LCP1: variants seen among roughly 807,000 people sequenced by gnomAD.
LCP1 encodes the protein plastin-2.
Under a neutral mutation model 72.0 loss-of-function variants are expected in LCP1, and 23 were observed. The observed-to-expected ratio is 0.32, with a 90% CI of 0.23 to 0.45. The LOEUF (loss-of-function observed/expected upper bound fraction) is 0.45, where lower values mean the gene tolerates loss of function less well. Ranked by LOEUF, LCP1 falls within the 20% of genes least tolerant of loss-of-function variation. LCP1 has a pLI of 1.00. For synonymous variants in LCP1, 245 were observed against 275.4 expected (o/e 0.89, Z 1.09); for missense variants, 571 against 748.3 (o/e 0.76, Z 2.76).
chr13:46,169,123 G>A (rs1163527795), intron 1 of LCP1, among the ~76,000 whole-genome samples: 1 of 152,138 alleles, frequency 6.6e-6, no homozygotes, highest in African/African-American at 2.4e-5. Context: ...AGGTGTGGCT[G>A]GGACCAGAGT....
intron 1 of LCP1, among the ~76,000 whole-genome samples, chr13:46,166,479 C>T (rs1425177643): frequency 6.6e-6 from 1 of 152,192 alleles, no homozygotes; most frequent in East Asian, 1.9e-4. Flanking sequence ...TTTCCTGCAA[C>T]TTGATTCAGT....
intron 1 of LCP1, among the ~76,000 whole-genome samples, chr13:46,174,304 A>ATT (rs143380629): frequency 1.3e-5 from 2 of 151,956 alleles, no homozygotes; most frequent in South Asian, 4.2e-4. Flanking sequence ...CTTTATCTTC[A>ATT]TTTTTTTTAA....
intron 1 of LCP1, among the ~76,000 whole-genome samples, chr13:46,160,005 AATG>A (rs1203813058): frequency 6.6e-6 from 1 of 152,180 alleles, no homozygotes; most frequent in African/African-American, 2.4e-5. Flanking sequence ...GGGTGGTAGA[AATG>A]ATGTCTGGGG....
intron 1 of LCP1, among the ~76,000 whole-genome samples, chr13:46,174,073 A>T (rs1286744928): frequency 6.6e-6 from 1 of 152,200 alleles, no homozygotes; most frequent in Non-Finnish European, 1.5e-5. Flanking sequence ...CATTTTTACC[A>T]TTGTAGTCTG....
At chr13:46,158,777 C>T (rs1566441995) in intron 3 of LCP1, 49 bp downstream of exon 3, 1 of 1,604,560 alleles carries the variant, frequency 6.2e-7, no homozygotes, top group East Asian at 2.2e-5. Flanking sequence ...AAACAGAATT[C>T]AAGTTCCAAG....
intron 11 of LCP1, 86 bp downstream of exon 11, chr13:46,144,356 G>GA: frequency 9.8e-7 from 1 of 1,015,508 alleles, no homozygotes. Flanking sequence ...TTTGTGAAGA[G>GA]AATGCACATC....
chr13:46,135,125 A>AG lies in LCP1; in HGVS notation c.1503-876_1503-875insC, dbSNP rs1555314144. On this transcript the variant is annotated intron_variant, in intron 13 of 15. Transcript: ENST00000323076. ...CTCTGTCTCAAAAAAAAAAAAAAAG[A>AG]AAAAAAAAAAACCCACACTGTCTCT... Among the ~76,000 whole-genome samples, 755 of 119,200 alleles carry AG rather than the reference A, an allele frequency of 6.3e-3. 13 individuals carry two copies. The highest frequency in any genetic ancestry group is 0.026 in the South Asian group (99 of 3,742). The allele number at this position is 119,200 out of a possible 152,430, so 78.2% of individuals were successfully genotyped here. A position where few individuals can be genotyped will look rare whatever the true frequency, so the allele number is the denominator to read the frequency against.
At chr13:46,154,978 A>C (rs1424456966) in intron 5 of LCP1, 92 bp from the exon 6 acceptor site, 16 of 912,834 alleles carry the variant, frequency 1.8e-5, no homozygotes, top group Non-Finnish European at 2.7e-5. Flanking sequence ...ACCATAATCA[A>C]AGAAGATAGC....
chr13:46,137,745 T>C (rs183491167), intron 13 of LCP1, among the ~76,000 whole-genome samples: 1 of 152,374 alleles, frequency 6.6e-6, no homozygotes, highest in Non-Finnish European at 1.5e-5. Flanking sequence ...ATCTCAGTAT[T>C]ACCAGTGTTT....
At chr13:46,180,828 A>G (rs1329425503) in intron 1 of LCP1, among the ~76,000 whole-genome samples, 1 of 152,258 alleles carries the variant, frequency 6.6e-6, no homozygotes, top group African/African-American at 2.4e-5. Context: ...GTTTTACTTA[A>G]AATAAGACAC....
Position 46,134,222 on chromosome 13 carries a change from C to T in LCP1, c.1531G>A (p.Gly511Ser). 1 of 1,613,504 alleles carries T rather than the reference C, an allele frequency of 6.2e-7. No individual in the cohort carries two copies. Among genetic ancestry groups the T allele is most frequent in the Non-Finnish European group, 8.5e-7 (1 of 1,179,574 alleles). ...TCATCATTGACCTTCTGGCCACCAC[C>T]AATTTCTTCGAGGATATTCAGTGTA... ...RYTLNILEEI[G>S]GGQKVNDDII... Residue 511 changes from glycine to serine, a missense_variant, in exon 14 of 16, where the codon GGT (glycine) becomes AGT (serine). Transcript: ENST00000323076.
At chr13:46,174,063 C>T (rs1353512346) in intron 1 of LCP1, among the ~76,000 whole-genome samples, 1 of 152,160 alleles carries the variant, frequency 6.6e-6, no homozygotes, top group Non-Finnish European at 1.5e-5. Context: ...ATTCTCCAGG[C>T]ATTTTTACCA....
At chr13:46,162,341 T>C (rs940957744) in intron 1 of LCP1, among the ~76,000 whole-genome samples, 2 of 143,538 alleles carry the variant, frequency 1.4e-5, no homozygotes, top group African/African-American at 5.1e-5. Flanking sequence ...GTTCTCCCTC[T>C]GATGCCGAGC....
chr13:46,128,696 A>G (rs2045616429), intron 15 of LCP1, among the ~76,000 whole-genome samples: 1 of 152,246 alleles, frequency 6.6e-6, no homozygotes, highest in Non-Finnish European at 1.5e-5. Flanking sequence ...ATGGTACTAT[A>G]ATATAGAGTA....
chr13:46,142,383 C>T lies in LCP1; in HGVS notation c.1411G>A (p.Ala471Thr). ...CCGATGCCAACCAGGGAGAACTTCGCTTGATTCTTCCCCAATTCTACCGCG... is the reference window on the plus strand; with the variant it reads ...CCGATGCCAACCAGGGAGAACTTCGTTTGATTCTTCCCCAATTCTACCGCG... ...NYAVELGKNQ[A>T]KFSLVGIGGQ... Residue 471 changes from alanine (A) to threonine (T), a missense_variant, in exon 13 of 16, where the codon GCG becomes ACG. Ala to Thr is a moderately conservative substitution (Grantham distance 58). Coordinates refer to ENST00000323076, the MANE Select transcript of LCP1 (RefSeq NM_002298.5). The T allele has an allele frequency of 1.9e-6, 3 of 1,614,010 alleles. No individual in the cohort carries two copies. The highest frequency in any genetic ancestry group is 1.3e-5 in the African/African-American group (1 of 75,044).
At chr13:46,178,470 G>C (rs2045942034) in intron 1 of LCP1, among the ~76,000 whole-genome samples, 1 of 152,130 alleles carries the variant, frequency 6.6e-6, no homozygotes. Flanking sequence ...AGCAGCTATA[G>C]GGAGATATCC....
At position 46,146,917 on chromosome 13, in the gene LCP1, C is replaced by T. The variant is rs374226559; in HGVS notation, c.1165G>A (p.Ala389Thr). The T allele has an allele frequency of 2.9e-5, 47 of 1,613,852 alleles. No homozygotes were observed. The highest frequency in any genetic ancestry group is 1.9e-4 in the African/African-American group (14 of 74,878). Reference protein sequence around the residue: ...KPENQDIDWGALEGETREERT... With the variant: ...KPENQDIDWGTLEGETREERT... ...AATCGTTTACAGTTACCTTCAAGAG[C>T]CCCCCAGTCAATGTCCTGGTTCTCT... Residue 389 changes from alanine (A) to threonine (T), a missense_variant, in exon 10 of 16, where the codon GCT becomes ACT. Ala to Thr is a moderately conservative substitution (Grantham distance 58). Coordinates refer to ENST00000323076, the MANE Select transcript of LCP1 (RefSeq NM_002298.5).
intron 14 of LCP1, among the ~76,000 whole-genome samples, 198 bp downstream of exon 14, chr13:46,133,929 T>A (rs1457175832): frequency 1.3e-5 from 2 of 152,134 alleles, no homozygotes; most frequent in Non-Finnish European, 2.9e-5. Context: ...TATGATTAAC[T>A]TATGGGAGAA....
At chr13:46,177,377 C>T (rs2045936371) in intron 1 of LCP1, among the ~76,000 whole-genome samples, 1 of 152,104 alleles carries the variant, frequency 6.6e-6, no homozygotes, top group Non-Finnish European at 1.5e-5. Context: ...CGCGGTGGCT[C>T]ACGCCTGTAA....
Sources: allele counts gnomAD v4.1 joint callset (sites outside exome capture counted in the v4.1 genomes callset), GRCh38; gene constraint gnomAD v4.1.1; transcripts MANE v1.5; gene names NCBI Gene and HGNC (gene_info 2026-07-23, HGNC 2026-07-21).